The following SGTB variants were observed in gnomAD, a reference collection of about 807,000 sequenced individuals.
SGTB encodes the protein small glutamine rich tetratricopeptide repeat co-chaperone beta, also known as small glutamine-rich tetratricopeptide repeat-containing protein beta.
Under a neutral mutation model 43.9 loss-of-function variants are expected in SGTB, and 19 were observed. That is an observed-to-expected ratio of 0.43 (90% CI 0.30 to 0.63). The LOEUF (loss-of-function observed/expected upper bound fraction) is 0.63. Ranked by LOEUF, SGTB falls within the 30% of genes least tolerant of loss-of-function variation. The pLI is 0.12. For missense variants in SGTB, 304 were observed against 358.9 expected (o/e 0.85, Z 1.24); for synonymous variants, 116 against 117.3 (o/e 0.99, Z 0.07).
chr5:65,688,132 T>TA (rs1757533950), intron 5 of SGTB, among the ~76,000 whole-genome samples: 1 of 152,178 alleles, frequency 6.6e-6, no homozygotes, highest in African/African-American at 2.4e-5. Context: ...TCACAACATT[T>TA]ATTGAGAGAA....
intron 5 of SGTB, among the ~76,000 whole-genome samples, chr5:65,691,688 C>A (rs945237050): frequency 6.0e-5 from 9 of 150,686 alleles, no homozygotes; most frequent in Non-Finnish European, 1.0e-4. Flanking sequence ...CGCCTGTAAT[C>A]CCAGCACTTT....
chr5:65,690,993 G>A (rs1231330466), intron 5 of SGTB, among the ~76,000 whole-genome samples: 3 of 152,156 alleles, frequency 2.0e-5, no homozygotes, highest in East Asian at 1.9e-4. Context: ...CATAGCAGGC[G>A]TGCTAGTGGT....
chr5:65,693,201 C>CGGGAAGGGAA (rs539854837), intron 5 of SGTB, among the ~76,000 whole-genome samples: 40 of 137,834 alleles, frequency 2.9e-4, no homozygotes, highest in African/African-American at 1.0e-3. Flanking sequence ...CAGGATGGGA[C>CGGGAAGGGAA]GGGAAGGGAA....
At chr5:65,707,256 G>A (rs1191547355) in intron 4 of SGTB, among the ~76,000 whole-genome samples, 1 of 150,880 alleles carries the variant, frequency 6.6e-6, no homozygotes, top group African/African-American at 2.5e-5. Flanking sequence ...GAGAGACTCT[G>A]TCTCAAAAAA....
At chr5:65,699,038 C>A (rs990238520) in intron 5 of SGTB, among the ~76,000 whole-genome samples, 1 of 151,858 alleles carries the variant, frequency 6.6e-6, no homozygotes, top group African/African-American at 2.4e-5. Flanking sequence ...TGGGTACCCA[C>A]CCAAAGAAAA....
At chr5:65,680,305 A>G (rs115010532) in intron 8 of SGTB, among the ~76,000 whole-genome samples, 189 bp downstream of exon 8, 5,304 of 152,320 alleles carry the variant, frequency 0.035, 311 homozygotes, top group African/African-American at 0.12. Flanking sequence ...AAACCTGCAC[A>G]TCCTGCACAT....
intron 6 of SGTB, among the ~76,000 whole-genome samples, chr5:65,684,249 T>C (rs1248697018): frequency 6.6e-6 from 1 of 151,878 alleles, no homozygotes; most frequent in Non-Finnish European, 1.5e-5. Context: ...CACTCCTGGA[T>C]AATTTTTGTA....
At chr5:65,671,821 A>G (rs1757161876) in intron 10 of SGTB, 94 bp downstream of exon 10, 2 of 1,121,738 alleles carry the variant, frequency 1.8e-6, no homozygotes, top group Non-Finnish European at 2.5e-6. Flanking sequence ...GTAAAAGATA[A>G]ACATTTAAAA....
intron 10 of SGTB, 109 bp from the exon 11 acceptor site, chr5:65,670,466 T>C (rs1757134002): frequency 5.1e-6 from 4 of 790,896 alleles, no homozygotes; most frequent in East Asian, 2.5e-5. Flanking sequence ...CTTTTTTCTA[T>C]AAAAACAAGT....
At position 65,685,469 on chromosome 5, in the gene SGTB, A is replaced by T; in HGVS notation, c.378T>A (p.Ala126=). The stretch of plus-strand genomic sequence containing the variant: ...AGTGACCTAATTTGCTCTGAGCAGC[A>T]GCCCTAAGAGAAAGAAAACAGAATT... The part of the protein sequence containing the change: ...PNNAVYYCNR[A]AAQSKLGHYT... The change falls in exon 6 of 11, where the codon GCT becomes GCA. Residue 126 remains alanine, a synonymous_variant. Coordinates refer to ENST00000381007, the MANE Select transcript of SGTB (RefSeq NM_019072.3). 1 of 1,612,898 alleles carries T rather than the reference A, an allele frequency of 6.2e-7. No individual in the cohort carries two copies. Among genetic ancestry groups the T allele is most frequent in the Non-Finnish European group, 8.5e-7 (1 of 1,179,690 alleles).
chr5:65,681,846 A>G (rs1757403997), intron 6 of SGTB, among the ~76,000 whole-genome samples: 1 of 152,096 alleles, frequency 6.6e-6, no homozygotes, highest in Admixed American at 6.5e-5. Flanking sequence ...ATGGTGGCAG[A>G]CGCCTGTAAT....
chr5:65,718,720 A>G (rs933347848), intron 2 of SGTB, among the ~76,000 whole-genome samples: 1 of 152,206 alleles, frequency 6.6e-6, no homozygotes, highest in Non-Finnish European at 1.5e-5. Context: ...CAATTAAATT[A>G]GACTCACAGA....
chr5:65,670,420 A>C (rs1757133105), intron 10 of SGTB, 63 bp from the exon 11 acceptor site: 12 of 1,371,118 alleles, frequency 8.8e-6, no homozygotes. Context: ...CCACGCAAAA[A>C]GAAATGCAGA....
At chr5:65,684,833 G>C (rs868809843) in intron 6 of SGTB, among the ~76,000 whole-genome samples, 1 of 152,158 alleles carries the variant, frequency 6.6e-6, no homozygotes, top group Non-Finnish European at 1.5e-5. Flanking sequence ...GATTACAGGC[G>C]TGAGTCACCA....
rs1306332884 is a variant in SGTB at position 65,667,015 on chromosome 5, T to C, written c.*3231A>G. On this transcript the variant is annotated 3_prime_UTR_variant, in exon 11 of 11. Transcript: ENST00000381007. ...TTTCTCCCTTAAGTGTTTGGTAAAA[T>C]TCATCACGGAAGTTATCTGGGCCTG... is the stretch of plus-strand genomic sequence containing the variant. 1 of 152,190 alleles carries C rather than the reference T, an allele frequency of 6.6e-6. No homozygotes were observed. The highest frequency in any genetic ancestry group is 1.5e-5 in the Non-Finnish European group (1 of 68,000). 9.4% of individuals were successfully genotyped at this position (152,190 alleles called of 1,614,324 possible).
At chr5:65,684,163 C>T (rs1164807570) in intron 6 of SGTB, among the ~76,000 whole-genome samples, 1 of 151,856 alleles carries the variant, frequency 6.6e-6, no homozygotes, top group Non-Finnish European at 1.5e-5. Context: ...CGGCTCACCA[C>T]AGCCTCGACT....
chr5:65,722,307 G>A (rs1758323269), upstream of SGTB: 4 of 1,375,412 alleles, frequency 2.9e-6, no homozygotes, highest in Admixed American at 4.9e-5. Flanking sequence ...CCCAGGCGCT[G>A]CCGCCCGCCT....
chr5:65,712,340 T>A (rs996717466), intron 3 of SGTB, among the ~76,000 whole-genome samples: 1 of 152,176 alleles, frequency 6.6e-6, no homozygotes, highest in Admixed American at 6.5e-5. Flanking sequence ...CTCCCTAAAC[T>A]TAGCATTTTT....
chr5:65,687,920 C>T (rs1757530641), intron 5 of SGTB, among the ~76,000 whole-genome samples: 1 of 152,164 alleles, frequency 6.6e-6, no homozygotes, highest in South Asian at 2.1e-4. Flanking sequence ...AGGTGTGTGC[C>T]ACCATACCCG....
Sources: gnomAD v4.1 joint callset for allele counts (sites outside exome capture counted in the v4.1 genomes callset) on GRCh38, gnomAD v4.1.1 for gene constraint, MANE v1.5 for transcripts, NCBI Gene and HGNC (gene_info 2026-07-23, HGNC 2026-07-21) for gene names.